Variants in DSCAM observed in about 807,000 individuals in gnomAD.
DSCAM encodes the protein DS cell adhesion molecule.
Under a neutral mutation model 217.7 loss-of-function variants are expected in DSCAM, and 47 were observed. That is an observed-to-expected ratio of 0.22 (90% CI 0.17 to 0.28). The LOEUF is 0.28. DSCAM is among the 10% of genes least tolerant of loss of function. DSCAM has a pLI of 1.00. For synonymous variants in DSCAM, 1,056 were observed against 1,015.3 expected, an observed-to-expected ratio of 1.04 and a Z score of -0.76; for missense variants, 2,080 against 2,618.3, an observed-to-expected ratio of 0.79 and a Z score of 4.49.
At chr21:40,075,539 C>T (rs760356294) in intron 26 of DSCAM, among the ~76,000 whole-genome samples, 19 of 152,286 alleles carry the variant, frequency 1.2e-4, no homozygotes, top group Non-Finnish European at 2.4e-4. Flanking sequence ...TTAAGTGTTC[C>T]CTTGACTGTC....
chr21:40,044,617 G>A (rs951269974), intron 30 of DSCAM, among the ~76,000 whole-genome samples: 1 of 152,044 alleles, frequency 6.6e-6, no homozygotes, highest in African/African-American at 2.4e-5. Context: ...AACAATTACA[G>A]GACAAAACAA....
intron 10 of DSCAM, among the ~76,000 whole-genome samples, chr21:40,289,368 C>T (rs570311502): frequency 8.5e-5 from 13 of 152,216 alleles, no homozygotes; most frequent in African/African-American, 3.1e-4. Flanking sequence ...CTTCCCCAGG[C>T]CTGATGTGGC....
chr21:40,803,291 T>C (rs1457901142), intron 1 of DSCAM, among the ~76,000 whole-genome samples: 3 of 152,234 alleles, frequency 2.0e-5, no homozygotes, highest in Non-Finnish European at 4.4e-5. Context: ...ACGTTCTCAT[T>C]GCCTCTGTTT....
At chr21:40,323,636 A>C (rs1421690390) in intron 8 of DSCAM, among the ~76,000 whole-genome samples, 1 of 152,258 alleles carries the variant, frequency 6.6e-6, no homozygotes, top group Admixed American at 6.5e-5. Context: ...AGCTGGCCCA[A>C]GTTTAGCTAG....
chr21:40,239,502 A>T (rs1015680011), intron 11 of DSCAM, among the ~76,000 whole-genome samples: 1 of 152,244 alleles, frequency 6.6e-6, no homozygotes, highest in African/African-American at 2.4e-5. Flanking sequence ...TTCAAGAGAT[A>T]AAGAAAGTAA....
At chr21:40,445,031 G>A (rs1005122567) in intron 3 of DSCAM, among the ~76,000 whole-genome samples, 1 of 152,178 alleles carries the variant, frequency 6.6e-6, no homozygotes, top group African/African-American at 2.4e-5. Flanking sequence ...AAGGCCCCAG[G>A]AGATTCTGTG....
chr21:40,415,372 T>C (rs2075361048), intron 3 of DSCAM, among the ~76,000 whole-genome samples: 2 of 152,256 alleles, frequency 1.3e-5, no homozygotes, highest in Admixed American at 1.3e-4. Context: ...GTGGCACCAC[T>C]GTTAGACTGT....
rs73904703 is a variant in DSCAM at position 40,117,651 on chromosome 21, G to A, written c.3696+6544C>T. Among the ~76,000 whole-genome samples the A allele has an allele frequency of 5.2e-3, 799 of 152,218 alleles. 4 individuals are homozygous for A. Among genetic ancestry groups the A allele is most frequent in the African/African-American group, 0.018 (768 of 41,530 alleles). On this transcript the variant is annotated intron_variant, in intron 20 of 32. Transcript: ENST00000400454. ...ATCACTTTAAAAACAAAATGAAATA[G>A]AATAGAAAAAAAGTCAAATGGAACA...
intron 1 of DSCAM, among the ~76,000 whole-genome samples, chr21:40,715,683 A>G (rs568897426): frequency 6.6e-5 from 10 of 152,346 alleles, no homozygotes; most frequent in African/African-American, 2.4e-4. Context: ...AAATGCTGAT[A>G]GTAGCACTGT....
In DSCAM at chr21:40,347,790, CTG is replaced by C; in HGVS notation, c.1088_1089del (p.Thr363ArgfsTer16). 6.2e-7 allele frequency: 1 copy of C among 1,614,188 alleles called. No homozygotes were observed. The highest frequency in any genetic ancestry group is 1.1e-5 in the South Asian group (1 of 91,088). ...ILNPGKNVRI[T>X]GINHENLIMD... ...ATTATAAGGTTTTCGTGGTTGATCC[CTG>C]TGATCCTCACATTTTTTCCAGGGTT... On this transcript the variant is annotated frameshift_variant, in exon 6 of 33. Coordinates refer to ENST00000400454, the MANE Select transcript of DSCAM (RefSeq NM_001389.5). LOFTEE classifies it high-confidence loss of function.
chr21:40,674,434 T>C (rs1402932559), intron 3 of DSCAM, among the ~76,000 whole-genome samples: 1 of 152,162 alleles, frequency 6.6e-6, no homozygotes, highest in Admixed American at 6.5e-5. Flanking sequence ...ATTTGTCTTA[T>C]AGGTGTTTTT....
intron 3 of DSCAM, among the ~76,000 whole-genome samples, chr21:40,668,607 C>A (rs2090231556): frequency 6.6e-6 from 1 of 152,286 alleles, no homozygotes; most frequent in South Asian, 2.1e-4. Flanking sequence ...GGCCCCACAC[C>A]AAGCTACTCA....
intron 30 of DSCAM, among the ~76,000 whole-genome samples, chr21:40,050,259 G>C (rs944311559): frequency 6.6e-6 from 1 of 152,204 alleles, no homozygotes; most frequent in Non-Finnish European, 1.5e-5. Context: ...CATCTGCTCT[G>C]TTGTCTCTTT....
intron 4 of DSCAM, 82 bp downstream of exon 4, chr21:40,369,017 C>T (rs1054771406): frequency 7.1e-7 from 1 of 1,403,152 alleles, no homozygotes; most frequent in Non-Finnish European, 9.3e-7. Context: ...AGTGGCAACA[C>T]TCCACAATTT....
At chr21:40,375,602 G>A (rs968045075) in intron 3 of DSCAM, among the ~76,000 whole-genome samples, 9 of 152,210 alleles carry the variant, frequency 5.9e-5, no homozygotes, top group African/African-American at 1.9e-4. Context: ...ATACCTGTAT[G>A]TGACGTTATC....
intron 1 of DSCAM, among the ~76,000 whole-genome samples, chr21:40,718,998 C>A (rs762611196): frequency 1.4e-4 from 22 of 152,142 alleles, no homozygotes; most frequent in Admixed American, 3.3e-4. Flanking sequence ...CTCCTGTAGT[C>A]CCAGCTACTC....
chr21:40,103,400 A>G (rs945897807), intron 20 of DSCAM, among the ~76,000 whole-genome samples: 1 of 152,208 alleles, frequency 6.6e-6, no homozygotes, highest in Non-Finnish European at 1.5e-5. Flanking sequence ...AACTTTTAGA[A>G]TGCTTAACAT....
At chr21:40,719,230 A>G (rs951497166) in intron 1 of DSCAM, among the ~76,000 whole-genome samples, 6 of 152,220 alleles carry the variant, frequency 3.9e-5, no homozygotes, top group African/African-American at 1.4e-4. Flanking sequence ...ACTGGTCATT[A>G]AGAAAAAGTA....
intron 2 of DSCAM, among the ~76,000 whole-genome samples, chr21:40,705,447 C>T (rs1057231725): frequency 6.6e-6 from 1 of 152,030 alleles, no homozygotes; most frequent in Non-Finnish European, 1.5e-5. Context: ...CATTCTCACA[C>T]TGCTATGAAG....
Sources: gnomAD v4.1 joint callset for allele counts (sites outside exome capture counted in the v4.1 genomes callset) on GRCh38, gnomAD v4.1.1 for gene constraint, MANE v1.5 for transcripts, NCBI Gene and HGNC (gene_info 2026-07-23, HGNC 2026-07-21) for gene names.